Variants in BRIP1 observed in about 807,000 individuals in gnomAD.
The protein encoded by BRIP1 is Fanconi anemia group J protein.
In BRIP1, 88 loss-of-function variants were observed where a neutral mutation model predicts 119.7. The observed-to-expected ratio is 0.74, with a 90% CI of 0.62 to 0.88. BRIP1 has a LOEUF of 0.88. Among genes scored for constraint, BRIP1 ranks in the 40% least tolerant of loss-of-function variants. The probability of loss-of-function intolerance (pLI) is 0.00; values close to 1 mark genes in which losing one functional copy is unlikely to be tolerated. For synonymous variants in BRIP1, 443 were observed against 496.5 expected, an observed-to-expected ratio of 0.89 and a Z score of 1.43; for missense variants, 1,259 against 1,455.4, an observed-to-expected ratio of 0.87 and a Z score of 2.20.
In BRIP1 at chr17:61,738,780, G is replaced by A. The variant is rs528807701; in HGVS notation, c.2379+4233C>T. On this transcript the variant is annotated intron_variant, in intron 16 of 19. Transcript: ENST00000259008. This position sits in a 1 kb window ranked among gnomAD's most constrained non-coding sequence, Gnocchi z 4.2. ...ATGAAGAATAACATAATAAATACCTGCATTCTCATATTTTCTTGCAGCTTA... is the reference window on the plus strand; with the variant it reads ...ATGAAGAATAACATAATAAATACCTACATTCTCATATTTTCTTGCAGCTTA... Among the ~76,000 whole-genome samples the A allele has an allele frequency of 8.5e-5, 13 of 152,184 alleles. No individual in the cohort carries two copies. The highest frequency in any genetic ancestry group is 3.1e-4 in the African/African-American group (13 of 41,536).
chr17:61,765,108 T>G (rs760429224), intron 14 of BRIP1, among the ~76,000 whole-genome samples: 1 of 151,726 alleles, frequency 6.6e-6, no homozygotes, highest in Non-Finnish European at 1.5e-5. Flanking sequence ...AACTTGATAC[T>G]TGGACTTCTT....
At chr17:61,784,038 T>G in intron 11 of BRIP1, 1 of 416,062 alleles carries the variant, frequency 2.4e-6, no homozygotes, top group Non-Finnish European at 4.3e-6. Flanking sequence ...GCTGTGATCA[T>G]GCAACTGCAC....
intron 11 of BRIP1, among the ~76,000 whole-genome samples, chr17:61,781,846 G>A (rs1168167991): frequency 2.0e-5 from 3 of 151,402 alleles, no homozygotes; most frequent in African/African-American, 4.9e-5. Flanking sequence ...ACTTGAACCC[G>A]GGAGGTGGAG....
At position 61,682,068 on chromosome 17, in the gene BRIP1, T is replaced by G; in HGVS notation, c.*1228A>C. 4.9e-6 allele frequency: 1 copy of G among 203,980 alleles called. No homozygotes were observed. Among genetic ancestry groups the G allele is most frequent in the Non-Finnish European group, 1.0e-5 (1 of 99,586 alleles). 12.6% of individuals were successfully genotyped at this position (203,980 alleles called of 1,614,324 possible). On this transcript the variant is annotated 3_prime_UTR_variant, in exon 20 of 20. Coordinates refer to ENST00000259008, the MANE Select transcript of BRIP1 (RefSeq NM_032043.3). The surrounding 1 kb of genome is among the most constrained non-coding windows in gnomAD (Gnocchi z 4.9). ...TTATAATCATTTTTGATTAGACATA[T>G]AGCTTCATTCACAAAAACACAAACA...
chr17:61,782,107 C>T (rs1398395411), intron 11 of BRIP1, among the ~76,000 whole-genome samples: 1 of 151,688 alleles, frequency 6.6e-6, no homozygotes, highest in Non-Finnish European at 1.5e-5. Context: ...AAGGGGAGAC[C>T]GGGTGCGATG....
Position 61,799,135 on chromosome 17 carries a change from A to T in BRIP1, c.1305T>A (p.His435Gln), listed in dbSNP as rs1352266926. Reference sequence around the variant, plus strand: ...TACAGCACACAGCTCGTAGGGGTTCATGATCTTTCTTCCTTATATTATTGT... The same window carrying T: ...TACAGCACACAGCTCGTAGGGGTTCTTGATCTTTCTTCCTTATATTATTGT... The part of the protein sequence containing the change: ...MVNNNIRKKD[H>Q]EPLRAVCCSL... The change falls in exon 9 of 20, where the codon CAT becomes CAA. Residue 435 changes from histidine (H) to glutamine (Q), a missense_variant. Coordinates refer to ENST00000259008, the MANE Select transcript of BRIP1 (RefSeq NM_032043.3). This position sits in a 1 kb window ranked among gnomAD's most constrained non-coding sequence, Gnocchi z 5.1. 6.2e-7 allele frequency: 1 copy of T among 1,613,696 alleles called. No homozygotes were observed. Among genetic ancestry groups the T allele is most frequent in the Non-Finnish European group, 8.5e-7 (1 of 1,179,656 alleles).
rs188258913 is a variant in BRIP1 at position 61,684,004 on chromosome 17, A to G, written c.3042T>C (p.Gly1014=). 242 of 1,614,190 alleles carry G rather than the reference A, an allele frequency of 1.5e-4. 1 individual carries two copies. The highest frequency in any genetic ancestry group is 2.0e-4 in the African/African-American group (15 of 75,056). The part of the protein sequence containing the change: ...SFNSLGQYFT[G]KIPKATPELG... ...GCTCAGGTGTTGCCTTCGGTATTTT[A>G]CCAGTAAAATACTGTCCCAAAGAAT... is the stretch of plus-strand genomic sequence containing the variant. Residue 1014 remains glycine (G), a synonymous_variant, in exon 20 of 20, where the codon GGT becomes GGC. Coordinates refer to ENST00000259008, the MANE Select transcript of BRIP1 (RefSeq NM_032043.3). The surrounding 1 kb of genome is among the most constrained non-coding windows in gnomAD (Gnocchi z 4.5).
chr17:61,788,840 T>A (rs2145197929), intron 10 of BRIP1, among the ~76,000 whole-genome samples: 1 of 152,124 alleles, frequency 6.6e-6, no homozygotes, highest in African/African-American at 2.4e-5. Context: ...ATGCTTGTAA[T>A]CCTAGCACTT....
rs979432385 is a variant in BRIP1, at chr17:61,770,644, T to C, written c.2097+5757A>G. ...AGGTAGGATTAAAAAAACAGCTACA[T>C]AGGATTAAAGCTTCTGCATTCTATT... On this transcript the variant is annotated intron_variant, in intron 14 of 19. Coordinates refer to ENST00000259008, the MANE Select transcript of BRIP1 (RefSeq NM_032043.3). This position sits in a 1 kb window ranked among gnomAD's most constrained non-coding sequence, Gnocchi z 4.7. Among the ~76,000 whole-genome samples the C allele has an allele frequency of 6.6e-6, 1 of 152,134 alleles. No individual in the cohort carries two copies. The highest frequency in any genetic ancestry group is 1.5e-5 in the Non-Finnish European group (1 of 68,020).
Position 61,795,540 on chromosome 17 carries a change from T to C in BRIP1, c.1341-1811A>G, listed in dbSNP as rs1440567368. Among the ~76,000 whole-genome samples, 1 of 152,146 alleles carries C rather than the reference T, an allele frequency of 6.6e-6. No homozygotes were observed. The highest frequency in any genetic ancestry group is 1.9e-4 in the East Asian group (1 of 5,206). On this transcript the variant is annotated intron_variant, in intron 9 of 19. Transcript: ENST00000259008. This position sits in a 1 kb window ranked among gnomAD's most constrained non-coding sequence, Gnocchi z 5.6. The stretch of plus-strand genomic sequence containing the variant: ...TGTGCCTGGCTTATTTCACTTAACA[T>C]AGTGACTTCCAATTTTATCCATTTT...
rs933732380 is a variant in BRIP1, at chr17:61,753,773, GAACAACAAC to G, written c.2098-9191_2098-9183del. The stretch of plus-strand genomic sequence containing the variant: ...TGCACTGCCATGTCTGGCTTGAAAA[GAACAACAAC>G]AACAACAACAACAAAAAACCAGAGA... On this transcript the variant is annotated intron_variant, in intron 14 of 19. Coordinates refer to ENST00000259008, the MANE Select transcript of BRIP1 (RefSeq NM_032043.3). This position sits in a 1 kb window ranked among gnomAD's most constrained non-coding sequence, Gnocchi z 4.6. Among the ~76,000 whole-genome samples, 1 of 151,248 alleles carries G rather than the reference GAACAACAAC, an allele frequency of 6.6e-6. No homozygotes were observed. Among genetic ancestry groups the G allele is most frequent in the Admixed American group, 6.6e-5 (1 of 15,214 alleles).
At chr17:61,749,718 T>C (rs1005665177) in intron 14 of BRIP1, among the ~76,000 whole-genome samples, 1 of 152,184 alleles carries the variant, frequency 6.6e-6, no homozygotes, top group Non-Finnish European at 1.5e-5. Flanking sequence ...AAACAGTATA[T>C]ATAGAAATGT....
Position 61,852,110 on chromosome 17 carries a change from G to A in BRIP1, c.380-2854C>T, listed in dbSNP as rs1220396400. 6.6e-6 allele frequency among the ~76,000 whole-genome samples: 1 copy of A among 152,164 alleles called. No homozygotes were observed. The highest frequency in any genetic ancestry group is 1.5e-5 in the Non-Finnish European group (1 of 68,034). ...GCAAACTGACATGGGCCTATTAAGA[G>A]GGTAGGGAATGTCCACCCAAAATGA... On this transcript the variant is annotated intron_variant, in intron 4 of 19. Transcript: ENST00000259008. The surrounding 1 kb of genome is among the most constrained non-coding windows in gnomAD (Gnocchi z 4.9).
chr17:61,683,947 A>G lies in BRIP1; in HGVS notation c.3099T>C (p.Pro1033=), dbSNP rs202228407. 1.4e-4 allele frequency: 224 copies of G among 1,614,152 alleles called. 2 individuals are homozygous for G. In the Admixed American group the frequency reaches 3.7e-3, roughly 27 times the overall value. Reference sequence around the variant, plus strand: ...CCATCTTCTCTGTTTTGAAACGGGGAGGACTAGAGGCACTATTCTCTGATG... The same window carrying G: ...CCATCTTCTCTGTTTTGAAACGGGGGGGACTAGAGGCACTATTCTCTGATG... ...LGSSENSASS[P]PRFKTEKMES... The change falls in exon 20 of 20, where the codon CCT becomes CCC. Residue 1033 remains proline, a synonymous_variant. Coordinates refer to ENST00000259008, the MANE Select transcript of BRIP1 (RefSeq NM_032043.3). The surrounding 1 kb of genome is among the most constrained non-coding windows in gnomAD (Gnocchi z 4.7).
chr17:61,732,317 G>T (rs550545919), intron 16 of BRIP1, among the ~76,000 whole-genome samples: 1 of 152,114 alleles, frequency 6.6e-6, no homozygotes, highest in East Asian at 1.9e-4. Context: ...TAGTTTTGTT[G>T]TAATCTAACC....
At position 61,856,844 on chromosome 17, in the gene BRIP1, C is replaced by G. The variant is rs1192644883; in HGVS notation, c.379+214G>C. Among the ~76,000 whole-genome samples the G allele has an allele frequency of 6.6e-6, 1 of 152,066 alleles. No homozygotes were observed. Among genetic ancestry groups the G allele is most frequent in the Admixed American group, 6.5e-5 (1 of 15,280 alleles). The stretch of plus-strand genomic sequence containing the variant: ...TTCCTTAAAAAATTATTTAGGACAA[C>G]AAAATGTCTCAATAAATTAAAAGTC... On this transcript the variant is annotated intron_variant, in intron 4 of 19. Coordinates refer to ENST00000259008, the MANE Select transcript of BRIP1 (RefSeq NM_032043.3). The surrounding 1 kb of genome is among the most constrained non-coding windows in gnomAD (Gnocchi z 5.1).
At chr17:61,733,291 G>A (rs888956503) in intron 16 of BRIP1, among the ~76,000 whole-genome samples, 21 of 152,192 alleles carry the variant, frequency 1.4e-4, no homozygotes, top group African/African-American at 4.3e-4. Context: ...CGGGAGCTGA[G>A]GCAGGAGGAT....
At chr17:61,711,164 A>G (rs1177452880) in intron 17 of BRIP1, among the ~76,000 whole-genome samples, 10 of 152,164 alleles carry the variant, frequency 6.6e-5, no homozygotes, top group Admixed American at 5.9e-4. Flanking sequence ...ATGAGATAAT[A>G]TATGTGGAGA....
chr17:61,783,510 T>C (rs1346605721), intron 11 of BRIP1, among the ~76,000 whole-genome samples: 1 of 152,120 alleles, frequency 6.6e-6, no homozygotes, highest in Non-Finnish European at 1.5e-5. Context: ...TATACTGTAC[T>C]TAATGGCACT....
Sources: allele counts gnomAD v4.1 joint callset (sites outside exome capture counted in the v4.1 genomes callset), GRCh38; gene constraint gnomAD v4.1.1; non-coding constraint Gnocchi (gnomAD v3.1); transcripts MANE v1.5; gene names NCBI Gene and HGNC (gene_info 2026-07-23, HGNC 2026-07-21).